BBS9: variants seen among roughly 807,000 people sequenced by gnomAD.
BBS9 encodes Bardet-Biedl syndrome 9.
In BBS9, 89 loss-of-function variants were observed where a neutral mutation model predicts 117.7. That is an observed-to-expected ratio of 0.76 (90% CI 0.64 to 0.90). The LOEUF (loss-of-function observed/expected upper bound fraction) is 0.90. BBS9 is among the 40% of genes least tolerant of loss of function. The probability of loss-of-function intolerance (pLI) is 0.00; values close to 1 mark genes in which losing one functional copy is unlikely to be tolerated. For missense variants in BBS9, 982 were observed against 1,042.2 expected (o/e 0.94, Z 0.80); for synonymous variants, 379 against 370.9 (o/e 1.02, Z -0.25).
intron 7 of BBS9, among the ~76,000 whole-genome samples, chr7:33,271,491 T>G (rs1265684262): frequency 6.6e-6 from 1 of 152,122 alleles, no homozygotes; most frequent in African/African-American, 2.4e-5. Context: ...GCTGTACACC[T>G]GTAGGCTCAA....
At chr7:33,376,372 C>A (rs144522882) in intron 17 of BBS9, among the ~76,000 whole-genome samples, 1 of 152,124 alleles carries the variant, frequency 6.6e-6, no homozygotes, top group Admixed American at 6.6e-5. Context: ...AGGACATGAT[C>A]GTGTTCTTTA....
At chr7:33,587,234 A>G (rs1418720833) in intron 21 of BBS9, among the ~76,000 whole-genome samples, 1 of 151,964 alleles carries the variant, frequency 6.6e-6, no homozygotes, top group Non-Finnish European at 1.5e-5. Context: ...TGGATTGTAC[A>G]GTGAGCCACT....
intron 19 of BBS9, among the ~76,000 whole-genome samples, chr7:33,464,047 TGTTAA>T (rs2128938911): frequency 6.6e-6 from 1 of 152,244 alleles, no homozygotes; most frequent in East Asian, 1.9e-4. Context: ...CTAAATTTTT[TGTTAA>T]GTTAAAATCA....
chr7:33,544,566 G>A (rs539815510), intron 21 of BBS9, among the ~76,000 whole-genome samples: 7 of 152,318 alleles, frequency 4.6e-5, no homozygotes, highest in African/African-American at 1.4e-4. Flanking sequence ...TCTCTCAGCA[G>A]TGGATACCAG....
At chr7:33,487,744 T>C (rs1843313607) in intron 19 of BBS9, among the ~76,000 whole-genome samples, 1 of 152,190 alleles carries the variant, frequency 6.6e-6, no homozygotes, top group Admixed American at 6.5e-5. Flanking sequence ...GGGATGTGTC[T>C]GGGTGACTGC....
intron 19 of BBS9, among the ~76,000 whole-genome samples, chr7:33,426,013 G>T (rs139240688): frequency 6.6e-6 from 1 of 152,080 alleles, no homozygotes; most frequent in African/African-American, 2.4e-5. Context: ...ATCAAATTTA[G>T]ACTAAAATAA....
intron 21 of BBS9, among the ~76,000 whole-genome samples, chr7:33,619,596 C>T (rs1865306926): frequency 6.6e-6 from 1 of 152,102 alleles, no homozygotes; most frequent in Non-Finnish European, 1.5e-5. Flanking sequence ...CAGGATAGAT[C>T]ATATGTTAGG....
intron 20 of BBS9, among the ~76,000 whole-genome samples, chr7:33,528,965 T>G (rs1850131894): frequency 6.6e-6 from 1 of 152,228 alleles, no homozygotes; most frequent in African/African-American, 2.4e-5. Flanking sequence ...CTTGATCTGG[T>G]ATTTAGGCCT....
In BBS9 at chr7:33,152,687, T is replaced by A. The variant is rs543714605; in HGVS notation, c.113-14T>A. 164 of 1,599,426 alleles carry A rather than the reference T, an allele frequency of 1.0e-4. No homozygotes were observed. The highest frequency in any genetic ancestry group is 4.6e-4 in the South Asian group (41 of 89,504). Reference sequence around the variant, plus strand: ...GTTTCTCCCTCTATCTTTTTTTTTTTAAATTCTCTACAGATAAAATAATTG... The same window carrying A: ...GTTTCTCCCTCTATCTTTTTTTTTTAAAATTCTCTACAGATAAAATAATTG... On this transcript the variant is annotated splice_polypyrimidine_tract_variant and intron_variant, in intron 2 of 22. Transcript: ENST00000242067.
At chr7:33,243,095 G>A (rs531039223) in intron 5 of BBS9, 6 of 427,712 alleles carry the variant, frequency 1.4e-5, no homozygotes, top group East Asian at 5.8e-5. Context: ...CTGTTAATTC[G>A]GAAGTCTTTC....
At chr7:33,377,934 A>G (rs917839394) in intron 17 of BBS9, among the ~76,000 whole-genome samples, 34 of 152,304 alleles carry the variant, frequency 2.2e-4, no homozygotes, top group African/African-American at 7.0e-4. Flanking sequence ...AATAACCATT[A>G]AAAAATTTAT....
At chr7:33,493,132 T>G (rs1844246145) in intron 19 of BBS9, among the ~76,000 whole-genome samples, 1 of 152,078 alleles carries the variant, frequency 6.6e-6, no homozygotes, top group Non-Finnish European at 1.5e-5. Flanking sequence ...GTAGCTGAGA[T>G]TACAGGCATG....
intron 1 of BBS9, among the ~76,000 whole-genome samples, chr7:33,132,125 G>A (rs1343816820): frequency 6.6e-6 from 1 of 152,190 alleles, no homozygotes; most frequent in East Asian, 1.9e-4. Context: ...ATACTTGCCT[G>A]TAGTTTGAAC....
rs17397009 is a variant in BBS9, at chr7:33,247,794, C to T, written c.443-9442C>T. On this transcript the variant is annotated intron_variant, in intron 5 of 22. Coordinates refer to ENST00000242067, the MANE Select transcript of BBS9 (RefSeq NM_198428.3). ...AAAATGTTATCAAAACTTTCATGATCGTTCCATCTGACAAAATAATTCACC... is the reference window on the plus strand; with the variant it reads ...AAAATGTTATCAAAACTTTCATGATTGTTCCATCTGACAAAATAATTCACC... Among the ~76,000 whole-genome samples, 1,246 of 152,242 alleles carry T rather than the reference C, an allele frequency of 8.2e-3. 11 individuals carry two copies. The highest frequency in any genetic ancestry group is 0.01 in the Non-Finnish European group (690 of 68,006).
chr7:33,273,752 C>A, intron 8 of BBS9, 75 bp from the exon 9 acceptor site: 1 of 1,395,534 alleles, frequency 7.2e-7, no homozygotes, highest in Non-Finnish European at 1.0e-6. Flanking sequence ...TTTGTGCTAT[C>A]AATTTCCTAA....
chr7:33,397,653 TCATG>T (rs1197673537), intron 19 of BBS9, among the ~76,000 whole-genome samples: 22 of 152,252 alleles, frequency 1.4e-4, no homozygotes, highest in African/African-American at 5.3e-4. Flanking sequence ...AGGAACGAGA[TCATG>T]CCCTTTGCAG....
chr7:33,278,175 T>C (rs561759915), intron 9 of BBS9, among the ~76,000 whole-genome samples: 1 of 152,306 alleles, frequency 6.6e-6, no homozygotes, highest in East Asian at 1.9e-4. Context: ...AAAGCCTGTT[T>C]CACTTTCGCC....
intron 9 of BBS9, among the ~76,000 whole-genome samples, chr7:33,279,163 C>T (rs1366318572): frequency 6.6e-6 from 1 of 152,116 alleles, no homozygotes; most frequent in African/African-American, 2.4e-5. Context: ...TGAGTAGCTA[C>T]AACTATAGGC....
chr7:33,570,573 A>G (rs997799246), intron 21 of BBS9, among the ~76,000 whole-genome samples: 13 of 152,232 alleles, frequency 8.5e-5, no homozygotes, highest in African/African-American at 2.9e-4. Flanking sequence ...GGATGCTAAC[A>G]TCAGTGAGAG....
Sources: gnomAD v4.1 joint callset for allele counts (sites outside exome capture counted in the v4.1 genomes callset) on GRCh38, gnomAD v4.1.1 for gene constraint, MANE v1.5 for transcripts, NCBI Gene and HGNC (gene_info 2026-07-23, HGNC 2026-07-21) for gene names.